ERO1A: variants seen among roughly 807,000 people sequenced by gnomAD.
ERO1A encodes the protein ERO1-like protein alpha.
In ERO1A, 49 loss-of-function variants were observed where a neutral mutation model predicts 76.9. That is an observed-to-expected ratio of 0.64 (90% CI 0.51 to 0.81). ERO1A has a LOEUF of 0.81. Ranked by LOEUF, ERO1A falls within the 30% of genes least tolerant of loss-of-function variation. The pLI, the probability that ERO1A is intolerant of heterozygous loss-of-function variation, is 0.00. For synonymous variants in ERO1A, 174 were observed against 181.2 expected, an observed-to-expected ratio of 0.96 and a Z score of 0.32; for missense variants, 448 against 542.1, an observed-to-expected ratio of 0.83 and a Z score of 1.72.
rs1399638087 is a variant in ERO1A at position 52,640,422 on chromosome 14, C to G, written c.*3148G>C. 1 of 152,224 alleles carries G rather than the reference C, an allele frequency of 6.6e-6. No homozygotes were observed. Among genetic ancestry groups the G allele is most frequent in the African/African-American group, 2.4e-5 (1 of 41,460 alleles). The allele number at this position is 152,224 out of a possible 1,614,324, so 9.4% of individuals were successfully genotyped here. A position where few individuals can be genotyped will look rare whatever the true frequency, so the allele number is the denominator to read the frequency against. Reference sequence around the variant, plus strand: ...AGGCGGGAGGCCTGGCCAAATGTGGCTTCTGAAGAAGTGTAAGTCTGTTTC... The same window carrying G: ...AGGCGGGAGGCCTGGCCAAATGTGGGTTCTGAAGAAGTGTAAGTCTGTTTC... On this transcript the variant is annotated 3_prime_UTR_variant, in exon 16 of 16. Coordinates refer to ENST00000395686, the MANE Select transcript of ERO1A (RefSeq NM_014584.3).
chr14:52,656,245 T>C (rs962690889), intron 11 of ERO1A, among the ~76,000 whole-genome samples: 3 of 152,178 alleles, frequency 2.0e-5, no homozygotes, highest in African/African-American at 4.8e-5. Flanking sequence ...GAAATAATAA[T>C]CTTTGTGTCT....
At chr14:52,660,351 T>C (rs2040192229) in intron 9 of ERO1A, among the ~76,000 whole-genome samples, 2 of 152,234 alleles carry the variant, frequency 1.3e-5, no homozygotes, top group Admixed American at 6.5e-5. Context: ...TGAAAAATCA[T>C]AGTAGCCTCC....
intron 8 of ERO1A, among the ~76,000 whole-genome samples, chr14:52,663,416 G>A (rs1016693116): frequency 4.6e-5 from 7 of 151,822 alleles, no homozygotes; most frequent in African/African-American, 1.7e-4. Context: ...TGGCTAACAC[G>A]GTGAAACCTC....
chr14:52,651,469 G>C, intron 13 of ERO1A, among the ~76,000 whole-genome samples: 1 of 152,154 alleles, frequency 6.6e-6, no homozygotes, highest in African/African-American at 2.4e-5. Context: ...GATCATCAAT[G>C]TGAAAGGCAT....
rs143610986 is a variant in ERO1A, at chr14:52,653,157, C to T, written c.967G>A (p.Glu323Lys). 1,903 of 1,613,280 alleles carry T rather than the reference C, an allele frequency of 1.2e-3. 1 individual carries two copies. The highest frequency in any genetic ancestry group is 1.5e-3 in the South Asian group (135 of 91,028). Residue 323 changes from glutamate to lysine, a missense_variant, in exon 12 of 16, where the codon GAG becomes AAG. Physicochemically the swap from Glu to Lys is moderately conservative, Grantham distance 56 (BLOSUM62 1). Around this residue, in one of 2 missense-constraint regions of ERO1A, gnomAD observed 302 missense variants for 411.9 expected, o/e 0.73. Transcript: ENST00000395686. ...GTAAAGAGTTGAAAATCTGGGCGCT[C>T]GAAGAATGGTAACACTTTGGATAAA... is the stretch of plus-strand genomic sequence containing the variant. ...RALSKVLPFF[E>K]RPDFQLFTGN...
intron 4 of ERO1A, among the ~76,000 whole-genome samples, chr14:52,676,764 G>T (rs975341587): frequency 9.9e-5 from 15 of 151,710 alleles, no homozygotes; most frequent in African/African-American, 2.9e-4. Flanking sequence ...GCTGAGTGTC[G>T]TGGCTCACAC....
chr14:52,658,121 T>C lies in ERO1A; in HGVS notation c.715+3A>G. 6.6e-7 allele frequency: 1 copy of C among 1,509,552 alleles called. No individual in the cohort carries two copies. The highest frequency in any genetic ancestry group is 9.1e-7 in the Non-Finnish European group (1 of 1,096,102). The allele number at this position is 1,509,552 out of a possible 1,614,324, so 93.5% of individuals were successfully genotyped here. ...TGAAATTTATTTTAAAGTTTCTAAT[T>C]ACCTTCTAGCCAACTGTAAAAAGTG... On this transcript the variant is annotated splice_donor_region_variant and intron_variant, in intron 10 of 15. Transcript: ENST00000395686.
rs749234008 is a variant in ERO1A at position 52,663,775 on chromosome 14, T to C, written c.676+26A>G. The C allele has an allele frequency of 1.2e-5, 17 of 1,396,922 alleles. No individual in the cohort carries two copies. The East Asian group carries it at 2.1e-4, about 17-fold the overall frequency. The allele number at this position is 1,396,922 out of a possible 1,614,324, so 86.5% of individuals were successfully genotyped here. ...TTAAAGTTCCCTGGCTGAGAAATAA[T>C]ATAACAACGCAAATAAGTAATTTAC... On this transcript the variant is annotated intron_variant, in intron 8 of 15. Transcript: ENST00000395686.
At chr14:52,653,502 A>G (rs190550461) in intron 11 of ERO1A, among the ~76,000 whole-genome samples, 187 bp from the exon 12 acceptor site, 233 of 152,022 alleles carry the variant, frequency 1.5e-3, no homozygotes, top group Non-Finnish European at 2.4e-3. Flanking sequence ...ATTTTCTAGA[A>G]CCCATCCTTA....
chr14:52,652,988 C>T, intron 12 of ERO1A, 81 bp downstream of exon 12: 1 of 961,554 alleles, frequency 1.0e-6, no homozygotes. Context: ...GAGGGAGAGC[C>T]TGTCTCAAAA....
At chr14:52,643,692 T>C (rs1225979758) in intron 15 of ERO1A, 62 bp from the exon 16 acceptor site, 3 of 859,976 alleles carry the variant, frequency 3.5e-6, no homozygotes, top group East Asian at 3.2e-5. Context: ...GTAAAAGTTA[T>C]TCACTTTGCA....
chr14:52,686,874 C>CAAA (rs5808687), intron 1 of ERO1A, among the ~76,000 whole-genome samples: 4 of 134,880 alleles, frequency 3.0e-5, no homozygotes, highest in African/African-American at 1.1e-4. Context: ...GACTCCATCT[C>CAAA]AAAAAAAAAA....
At chr14:52,660,230 A>G (rs2040187654) in intron 9 of ERO1A, among the ~76,000 whole-genome samples, 1 of 152,240 alleles carries the variant, frequency 6.6e-6, no homozygotes, top group Admixed American at 6.5e-5. Flanking sequence ...TCTCAGGAAT[A>G]ACCCTTTGAT....
chr14:52,683,731 G>A, intron 2 of ERO1A, 57 bp downstream of exon 2: 2 of 786,372 alleles, frequency 2.5e-6, no homozygotes, highest in East Asian at 6.1e-5. Context: ...TAATTCTTAA[G>A]AAAATCTAAT....
At chr14:52,657,769 C>T in intron 11 of ERO1A, 148 bp downstream of exon 11, 2 of 576,254 alleles carry the variant, frequency 3.5e-6, no homozygotes, top group South Asian at 2.5e-5. Flanking sequence ...ACAGTTCCCA[C>T]CTTTCTGATT....
intron 8 of ERO1A, among the ~76,000 whole-genome samples, chr14:52,662,040 T>C (rs963346803): frequency 3.3e-5 from 5 of 152,100 alleles, no homozygotes; most frequent in African/African-American, 9.7e-5. Flanking sequence ...ATACATATTG[T>C]TTTGATACCT....
At chr14:52,662,946 G>A (rs1170582761) in intron 8 of ERO1A, among the ~76,000 whole-genome samples, 1 of 152,146 alleles carries the variant, frequency 6.6e-6, no homozygotes, top group Non-Finnish European at 1.5e-5. Context: ...GGGAAAGGCC[G>A]TAAGAGGAAA....
intron 6 of ERO1A, among the ~76,000 whole-genome samples, chr14:52,668,419 C>T (rs1270685668): frequency 6.6e-6 from 1 of 151,950 alleles, no homozygotes; most frequent in Non-Finnish European, 1.5e-5. Flanking sequence ...GTGATGCATG[C>T]CTGTAATCCC....
intron 1 of ERO1A, among the ~76,000 whole-genome samples, chr14:52,691,888 C>T (rs955105610): frequency 6.6e-6 from 1 of 152,206 alleles, no homozygotes; most frequent in Non-Finnish European, 1.5e-5. Flanking sequence ...TACAGATTTA[C>T]AAGTCTAAGG....
Sources: allele counts gnomAD v4.1 joint callset (sites outside exome capture counted in the v4.1 genomes callset), GRCh38; gene constraint gnomAD v4.1.1; regional missense constraint gnomAD v4.1.1; transcripts MANE v1.5; gene names NCBI Gene and HGNC (gene_info 2026-07-23, HGNC 2026-07-21).